MCF2L2: variants seen among roughly 807,000 people sequenced by gnomAD.
The protein encoded by MCF2L2 is probable guanine nucleotide exchange factor MCF2L2.
Under a neutral mutation model 150.2 loss-of-function variants are expected in MCF2L2, and 102 were observed. The ratio of observed to expected loss-of-function variants is 0.68; its 90% CI spans 0.58 to 0.80. MCF2L2 has a LOEUF of 0.80. Ranked by LOEUF, MCF2L2 falls within the 30% of genes least tolerant of loss-of-function variation. MCF2L2 has a pLI of 0.00. For synonymous variants in MCF2L2, 465 were observed against 491.3 expected (o/e 0.95, Z 0.71); for missense variants, 1,256 against 1,372.8 (o/e 0.91, Z 1.34).
chr3:183,419,630 T>C (rs1715776143), intron 1 of MCF2L2, among the ~76,000 whole-genome samples: 1 of 152,224 alleles, frequency 6.6e-6, no homozygotes, highest in African/African-American at 2.4e-5. Context: ...CCCAGCACTT[T>C]GGGAGGCCAA....
chr3:183,254,708 G>C (rs1466802053), intron 15 of MCF2L2: 10 of 152,274 alleles, frequency 6.6e-5, no homozygotes. Flanking sequence ...CTGAATTCGA[G>C]TCGAAAGCCC....
rs571429649 is a variant in MCF2L2, at chr3:183,219,987, T to A, written c.2302-63A>T. The A allele has an allele frequency of 3.5e-5, 42 of 1,199,230 alleles. No individual in the cohort carries two copies. In the Admixed American group the frequency reaches 7.2e-4, roughly 21 times the overall value. 74.3% of individuals were successfully genotyped at this position (1,199,230 alleles called of 1,614,324 possible). On this transcript the variant is annotated intron_variant, in intron 20 of 29. Coordinates refer to ENST00000328913, the MANE Select transcript of MCF2L2 (RefSeq NM_015078.4). Reference sequence around the variant, plus strand: ...TACATTGCCATCAAAATGTAGATTGTCAACAAAATCTACTGTGCAAACTAT... The same window carrying A: ...TACATTGCCATCAAAATGTAGATTGACAACAAAATCTACTGTGCAAACTAT...
chr3:183,366,058 C>A (rs886915813), intron 3 of MCF2L2, among the ~76,000 whole-genome samples: 12 of 151,738 alleles, frequency 7.9e-5, no homozygotes, highest in Admixed American at 5.3e-4. Flanking sequence ...CTCAAAGAAA[C>A]AATAGTGAAA....
intron 26 of MCF2L2, among the ~76,000 whole-genome samples, chr3:183,193,939 A>G (rs1721996024): frequency 6.6e-6 from 1 of 152,202 alleles, no homozygotes; most frequent in South Asian, 2.1e-4. Flanking sequence ...TTTACTGAGC[A>G]CCTACAAAAG....
intron 14 of MCF2L2, among the ~76,000 whole-genome samples, chr3:183,278,210 AT>A (rs1390231540): frequency 1.0e-4 from 15 of 146,888 alleles, no homozygotes; most frequent in African/African-American, 3.1e-4. Context: ...ATATATATAT[AT>A]TTTTTATTAT....
At chr3:183,185,184 C>G (rs1297626072) in intron 27 of MCF2L2, among the ~76,000 whole-genome samples, 1 of 152,252 alleles carries the variant, frequency 6.6e-6, no homozygotes, top group Non-Finnish European at 1.5e-5. Context: ...TTCCAAAGTG[C>G]TGGGATTACA....
chr3:183,226,086 G>C (rs1723331606), intron 18 of MCF2L2: 1 of 152,162 alleles, frequency 6.6e-6, no homozygotes, highest in African/African-American at 2.4e-5. Context: ...GTACACTATG[G>C]ACAAATATTA....
intron 3 of MCF2L2, among the ~76,000 whole-genome samples, chr3:183,365,284 A>T (rs1291382036): frequency 6.6e-6 from 1 of 152,210 alleles, no homozygotes; most frequent in Non-Finnish European, 1.5e-5. Context: ...TATAAATTTA[A>T]CACAGTCCCA....
chr3:183,259,726 G>A (rs1227726813), intron 15 of MCF2L2, among the ~76,000 whole-genome samples: 1 of 151,854 alleles, frequency 6.6e-6, no homozygotes, highest in African/African-American at 2.4e-5. Context: ...ACCCTCCTGC[G>A]ACTTTGGATC....
intron 15 of MCF2L2, among the ~76,000 whole-genome samples, chr3:183,262,099 ATAATAC>A (rs149818878): frequency 0.016 from 2,459 of 149,668 alleles, 90 homozygotes; most frequent in African/African-American, 0.058. Flanking sequence ...TTAAAGTATC[ATAATAC>A]TAATACAAGG....
chr3:183,282,171 T>TTATTG (rs1249806016), intron 14 of MCF2L2, among the ~76,000 whole-genome samples: 1 of 150,524 alleles, frequency 6.6e-6, no homozygotes, highest in East Asian at 1.9e-4. Flanking sequence ...TTATTATTAT[T>TTATTG]TATTTTATTT....
rs141963713 is a variant in MCF2L2 at position 183,292,470 on chromosome 3, T to C, written c.1675+2830A>G. 2.7e-3 allele frequency among the ~76,000 whole-genome samples: 404 copies of C among 152,204 alleles called. 1 individual carries two copies. The highest frequency in any genetic ancestry group is 9.3e-3 in the African/African-American group (385 of 41,522). On this transcript the variant is annotated intron_variant, in intron 13 of 29. Transcript: ENST00000328913. ...ACAATAAATACTAACAGAAGCTCTT[T>C]ATTCCGAAGAGAAATGACACAAGAT...
At position 183,179,394 on chromosome 3, in the gene MCF2L2, C is replaced by A. The variant is rs779688134; in HGVS notation, c.3331G>T (p.Ala1111Ser). 11 of 1,548,632 alleles carry A rather than the reference C, an allele frequency of 7.1e-6. No individual in the cohort carries two copies. In the African/African-American group the frequency reaches 1.1e-4, roughly 15 times the overall value. The change falls in exon 30 of 30, where the codon GCC (alanine) becomes TCC (serine). Residue 1111 changes from alanine to serine, a missense_variant. Physicochemically the swap from Ala to Ser is moderately conservative, Grantham distance 99. Coordinates refer to ENST00000328913, the MANE Select transcript of MCF2L2 (RefSeq NM_015078.4). The surrounding 1 kb of genome is among the most constrained non-coding windows in gnomAD (Gnocchi z 4.2). ...CCGCAGGGAGGTCAGCTCTCCTGGG[C>A]GGAGGTCCTCGGGCGCAGCGCCCTC... ...QARALRPRTS[A>S]QES
At chr3:183,213,161 C>T (rs952195550) in intron 22 of MCF2L2, among the ~76,000 whole-genome samples, 9 of 151,484 alleles carry the variant, frequency 5.9e-5, no homozygotes, top group African/African-American at 1.9e-4. Flanking sequence ...AAAAGGAAGA[C>T]TGTTTCATTC....
At chr3:183,386,271 G>A (rs1180151736) in intron 2 of MCF2L2, among the ~76,000 whole-genome samples, 2 of 152,176 alleles carry the variant, frequency 1.3e-5, no homozygotes, top group African/African-American at 4.8e-5. Context: ...ATACTCTCTT[G>A]TTTCCTAGCT....
At chr3:183,382,386 A>G (rs1713583127) in intron 2 of MCF2L2, among the ~76,000 whole-genome samples, 1 of 152,146 alleles carries the variant, frequency 6.6e-6, no homozygotes, top group Non-Finnish European at 1.5e-5. Context: ...AGTTGACTGT[A>G]TTAAAGCCAT....
intron 5 of MCF2L2, among the ~76,000 whole-genome samples, chr3:183,329,531 T>C (rs1730183408): frequency 6.6e-6 from 1 of 152,228 alleles, no homozygotes; most frequent in South Asian, 2.1e-4. Flanking sequence ...AACTCAAATG[T>C]TCTTTCCTGG....
intron 7 of MCF2L2, among the ~76,000 whole-genome samples, chr3:183,315,704 AC>A (rs1383367633): frequency 1.3e-4 from 20 of 152,088 alleles, no homozygotes. Context: ...GTTCTTTCCC[AC>A]CTTTTTACCT....
At chr3:183,409,368 C>T (rs1373494402) in intron 1 of MCF2L2, among the ~76,000 whole-genome samples, 2 of 152,282 alleles carry the variant, frequency 1.3e-5, no homozygotes, top group South Asian at 2.1e-4. Flanking sequence ...CCAGACCTGA[C>T]TTTTGATTCT....
Sources: gnomAD v4.1 joint callset for allele counts (sites outside exome capture counted in the v4.1 genomes callset) on GRCh38, gnomAD v4.1.1 for gene constraint, Gnocchi (gnomAD v3.1) non-coding constraint, MANE v1.5 for transcripts, NCBI Gene and HGNC (gene_info 2026-07-23, HGNC 2026-07-21) for gene names.